SHC3: variants seen among roughly 807,000 people sequenced by gnomAD.
The protein encoded by SHC3 is SHC adaptor protein 3.
A neutral mutation model predicts 60.4 loss-of-function variants in SHC3; 15 were observed. That is an observed-to-expected ratio of 0.25 (90% confidence interval 0.17 to 0.38). The LOEUF (loss-of-function observed/expected upper bound fraction) is 0.38, where lower values mean the gene tolerates loss of function less well. SHC3 is among the 10% of genes least tolerant of loss of function. The pLI is 1.00. For synonymous variants in SHC3, 294 were observed against 325.9 expected (o/e 0.90, Z 1.05); for missense variants, 677 against 786.1 (o/e 0.86, Z 1.66).
chr9:89,045,774 T>G lies in SHC3; in HGVS notation c.1173A>C (p.Glu391Asp). The G allele has an allele frequency of 1.9e-6, 3 of 1,614,196 alleles. No homozygotes were observed. Among genetic ancestry groups the G allele is most frequent in the Admixed American group, 1.7e-5 (1 of 60,024 alleles). ...GCCTTAAAGGTGTTTGCTGCCAGTC[T>G]TCGCCAAAAGTGTCTCCTAAGTGTC... ...QGRHLGDTFGEDWQQTPLRQG... is the reference protein window; with the variant it reads ...QGRHLGDTFGDDWQQTPLRQG... Residue 391 changes from glutamate to aspartate, a missense_variant, in exon 9 of 12, where the codon GAA becomes GAC. Transcript: ENST00000375835.
At chr9:89,115,579 C>T (rs2118124533) in intron 1 of SHC3, among the ~76,000 whole-genome samples, 1 of 152,198 alleles carries the variant, frequency 6.6e-6, no homozygotes, top group Non-Finnish European at 1.5e-5. Flanking sequence ...ACCAGCAGCA[C>T]CAATGCATAA....
chr9:89,102,388 G>A (rs939943918), intron 2 of SHC3, among the ~76,000 whole-genome samples: 1 of 152,094 alleles, frequency 6.6e-6, no homozygotes, highest in African/African-American at 2.4e-5. Flanking sequence ...TAATGACTCT[G>A]GATCAAGGAA....
At chr9:89,114,143 G>C (rs1182849770) in intron 1 of SHC3, among the ~76,000 whole-genome samples, 1 of 152,168 alleles carries the variant, frequency 6.6e-6, no homozygotes, top group South Asian at 2.1e-4. Flanking sequence ...GGGAATACGG[G>C]AATACCACCA....
chr9:89,025,729 A>G (rs1196921057), intron 11 of SHC3, among the ~76,000 whole-genome samples: 1 of 152,224 alleles, frequency 6.6e-6, no homozygotes, highest in Non-Finnish European at 1.5e-5. Context: ...TGACTCTAGC[A>G]TAGCATCACA....
At chr9:89,049,261 AAAAACAAAACAAAAC>A (rs147607442) in intron 7 of SHC3, among the ~76,000 whole-genome samples, 6 of 149,768 alleles carry the variant, frequency 4.0e-5, no homozygotes, top group East Asian at 1.9e-4. Context: ...ACTCCCTCTT[AAAAACAAAACAAAAC>A]AAAACAAAAC....
chr9:89,084,931 G>A (rs1825503943), intron 2 of SHC3, among the ~76,000 whole-genome samples: 1 of 152,194 alleles, frequency 6.6e-6, no homozygotes, highest in South Asian at 2.1e-4. Flanking sequence ...CCAATACAGT[G>A]TGGAATCTAG....
At chr9:89,162,556 C>T (rs2118245314) in intron 1 of SHC3, among the ~76,000 whole-genome samples, 1 of 152,270 alleles carries the variant, frequency 6.6e-6, no homozygotes, top group Non-Finnish European at 1.5e-5. Flanking sequence ...AAAGCTGAAA[C>T]TGGATCCCTT....
chr9:89,177,332 T>C (rs1281643414), intron 1 of SHC3, among the ~76,000 whole-genome samples: 1 of 152,224 alleles, frequency 6.6e-6, no homozygotes, highest in Non-Finnish European at 1.5e-5. Flanking sequence ...CACATTTAAA[T>C]GGAAGACTAC....
At chr9:89,064,018 G>A (rs1032324964) in intron 6 of SHC3, among the ~76,000 whole-genome samples, 5 of 152,208 alleles carry the variant, frequency 3.3e-5, no homozygotes, top group African/African-American at 4.8e-5. Flanking sequence ...CCCTCTTCCT[G>A]GTTTGCAGAC....
chr9:89,022,819 T>G (rs772012443), intron 11 of SHC3, among the ~76,000 whole-genome samples: 21 of 152,198 alleles, frequency 1.4e-4, no homozygotes, highest in Admixed American at 7.9e-4. Context: ...ATTTATGGAT[T>G]TGTCTCATCC....
At chr9:89,135,701 C>T (rs117626585) in intron 1 of SHC3, among the ~76,000 whole-genome samples, 2,231 of 152,190 alleles carry the variant, frequency 0.015, 17 homozygotes, top group Non-Finnish European at 0.02. Flanking sequence ...GCGATTTAGA[C>T]TGACTCTGTT....
intron 1 of SHC3, among the ~76,000 whole-genome samples, chr9:89,175,985 C>A (rs372276296): frequency 3.3e-4 from 50 of 152,174 alleles, no homozygotes; most frequent in African/African-American, 1.1e-3. Context: ...TTTCTTTCTG[C>A]GTGATTTCAA....
At chr9:89,129,188 G>T (rs1237017493) in intron 1 of SHC3, among the ~76,000 whole-genome samples, 2 of 152,090 alleles carry the variant, frequency 1.3e-5, no homozygotes, top group Non-Finnish European at 2.9e-5. Context: ...GAAATGAAGT[G>T]AGAAGAGAAG....
intron 7 of SHC3, among the ~76,000 whole-genome samples, chr9:89,048,137 G>A (rs1375974464): frequency 6.6e-6 from 1 of 151,734 alleles, no homozygotes; most frequent in East Asian, 1.9e-4. Flanking sequence ...CCAGCTACTC[G>A]GGAGGCTGAG....
intron 2 of SHC3, among the ~76,000 whole-genome samples, chr9:89,090,417 C>A (rs1412066518): frequency 6.6e-6 from 1 of 152,196 alleles, no homozygotes; most frequent in Non-Finnish European, 1.5e-5. Context: ...GGAAGTAATT[C>A]TGCACCTGAA....
intron 11 of SHC3, among the ~76,000 whole-genome samples, chr9:89,027,360 C>T (rs1280858986): frequency 2.3e-5 from 3 of 128,272 alleles, no homozygotes; most frequent in African/African-American, 7.0e-5. Context: ...CTCGCTGTCG[C>T]CCAGGCTGGA....
chr9:89,041,685 C>T (rs1237192243), intron 10 of SHC3, among the ~76,000 whole-genome samples: 4 of 152,204 alleles, frequency 2.6e-5, no homozygotes, highest in Non-Finnish European at 5.9e-5. Flanking sequence ...TCTTTGCATC[C>T]TTAGCAACTA....
rs1268793285 is a variant in SHC3, at chr9:89,065,470, T to C, written c.835+59A>G. The stretch of plus-strand genomic sequence containing the variant: ...CTGAGATAACGAGGACCAGCTTGTA[T>C]AGAATGTGAAGCCTGGCTGTACACA... On this transcript the variant is annotated intron_variant, in intron 6 of 11. Coordinates refer to ENST00000375835, the MANE Select transcript of SHC3 (RefSeq NM_016848.6). 3.2e-6 allele frequency: 5 copies of C among 1,561,242 alleles called. No individual in the cohort carries two copies. The African/African-American group carries it at 4.1e-5, about 13-fold the overall frequency.
At chr9:89,124,240 T>C (rs1826131893) in intron 1 of SHC3, among the ~76,000 whole-genome samples, 1 of 152,186 alleles carries the variant, frequency 6.6e-6, no homozygotes, top group South Asian at 2.1e-4. Flanking sequence ...ACACTGTTGG[T>C]AGGAGTGTAA....
Sources: gnomAD v4.1 joint callset for allele counts (sites outside exome capture counted in the v4.1 genomes callset) on GRCh38, gnomAD v4.1.1 for gene constraint, MANE v1.5 for transcripts, NCBI Gene and HGNC (gene_info 2026-07-23, HGNC 2026-07-21) for gene names.